Variants in ESRRG observed in about 807,000 individuals in gnomAD.
ESRRG encodes the protein estrogen related receptor gamma.
ESRRG carries 13 observed loss-of-function variants against 44.0 expected under a neutral mutation model. That is an observed-to-expected ratio of 0.30 (90% CI 0.19 to 0.47). ESRRG has a LOEUF of 0.47. Among genes scored for constraint, ESRRG ranks in the 20% least tolerant of loss-of-function variants. The pLI, the probability that ESRRG is intolerant of heterozygous loss-of-function variation, is 1.00. For synonymous variants in ESRRG, 215 were observed against 214.6 expected (o/e 1.00, Z -0.02); for missense variants, 395 against 580.6 (o/e 0.68, Z 3.29).
At chr1:216,992,881 T>TTTG (rs1579190918) in intron 1 of ESRRG, among the ~76,000 whole-genome samples, 2 of 152,310 alleles carry the variant, frequency 1.3e-5, no homozygotes, top group East Asian at 3.9e-4. Context: ...CCGTCTTTGT[T>TTTG]CAGCAAGTCA....
chr1:216,925,621 G>A (rs1422663245), intron 2 of ESRRG, among the ~76,000 whole-genome samples: 1 of 151,906 alleles, frequency 6.6e-6, no homozygotes, highest in African/African-American at 2.4e-5. Context: ...TTTGGGGTGG[G>A]GGCGGAATGC....
chr1:217,080,671 G>GTTTTTTTTTTTTTTTTTTTTTT (rs34598045), intron 1 of ESRRG, among the ~76,000 whole-genome samples: 1 of 65,246 alleles, frequency 1.5e-5, no homozygotes, highest in African/African-American at 6.2e-5. Flanking sequence ...TGTTTTTTTG[G>GTTTTTTTTTTTTTTTTTTTTTT]TTTTTTTTTT....
At chr1:216,868,818 T>A (rs1463090489) in intron 2 of ESRRG, among the ~76,000 whole-genome samples, 1 of 152,224 alleles carries the variant, frequency 6.6e-6, no homozygotes, top group African/African-American at 2.4e-5. Flanking sequence ...TCATAACTAA[T>A]GGCATTGAAC....
intron 2 of ESRRG, among the ~76,000 whole-genome samples, chr1:216,780,576 T>C (rs189701009): frequency 4.6e-5 from 7 of 152,172 alleles, no homozygotes; most frequent in Admixed American, 3.3e-4. Context: ...TTACTATCAA[T>C]ATCTTCATGT....
chr1:216,890,266 AAAAAAT>A (rs76282591), intron 2 of ESRRG, among the ~76,000 whole-genome samples: 1,557 of 152,274 alleles, frequency 0.01, 11 homozygotes, highest in Non-Finnish European at 0.016. Context: ...CCCTGTCTCA[AAAAAAT>A]AAAAATAAAA....
At chr1:217,002,671 T>A (rs1465259867) in intron 1 of ESRRG, among the ~76,000 whole-genome samples, 4 of 152,138 alleles carry the variant, frequency 2.6e-5, no homozygotes, top group African/African-American at 4.8e-5. Context: ...AAAGGCATTA[T>A]AGCTTTTACC....
At chr1:217,062,420 A>C (rs1171290298) in intron 1 of ESRRG, among the ~76,000 whole-genome samples, 1 of 152,162 alleles carries the variant, frequency 6.6e-6, no homozygotes. Flanking sequence ...GTCAAAGAAC[A>C]GGGCACTGTA....
chr1:216,604,638 C>T (rs1156669243), intron 3 of ESRRG, among the ~76,000 whole-genome samples: 2 of 152,128 alleles, frequency 1.3e-5, no homozygotes, highest in African/African-American at 2.4e-5. Context: ...AACCTCATCT[C>T]TAAAAAACAG....
intron 3 of ESRRG, among the ~76,000 whole-genome samples, chr1:216,646,810 G>T (rs1264437551): frequency 2.6e-5 from 4 of 152,114 alleles, no homozygotes; most frequent in South Asian, 2.1e-4. Context: ...AACAAAACTG[G>T]TCCTCTAAGT....
chr1:216,566,355 G>A (rs1431784172), intron 4 of ESRRG, among the ~76,000 whole-genome samples: 1 of 152,120 alleles, frequency 6.6e-6, no homozygotes, highest in Non-Finnish European at 1.5e-5. Context: ...TAACACAGAG[G>A]CCTTTAGATA....
intron 2 of ESRRG, among the ~76,000 whole-genome samples, chr1:216,888,551 T>C (rs543220954): frequency 9.2e-5 from 14 of 152,284 alleles, no homozygotes; most frequent in African/African-American, 3.1e-4. Context: ...CAAGATAAAT[T>C]TACTATAGTT....
At chr1:217,001,107 T>C (rs1216477887) in intron 1 of ESRRG, among the ~76,000 whole-genome samples, 1 of 152,240 alleles carries the variant, frequency 6.6e-6, no homozygotes, top group Non-Finnish European at 1.5e-5. Flanking sequence ...GTGAAAAAAT[T>C]TGTCTAATGT....
At chr1:217,077,215 T>C (rs1024052091) in intron 1 of ESRRG, among the ~76,000 whole-genome samples, 1 of 152,220 alleles carries the variant, frequency 6.6e-6, no homozygotes. Context: ...AGCTCTGCTG[T>C]GGGTTTCAGG....
intron 2 of ESRRG, among the ~76,000 whole-genome samples, chr1:216,810,545 G>C (rs1470076036): frequency 6.7e-6 from 1 of 148,436 alleles, no homozygotes; most frequent in Non-Finnish European, 1.5e-5. Flanking sequence ...TGGTGGTCAA[G>C]TAATAGAAGG....
chr1:216,614,181 C>T (rs1194241450), intron 3 of ESRRG, among the ~76,000 whole-genome samples: 2 of 152,214 alleles, frequency 1.3e-5, no homozygotes. Flanking sequence ...CACTCTCGGC[C>T]TCAGAGCGAT....
chr1:216,893,249 A>G (rs2149419030), intron 2 of ESRRG, among the ~76,000 whole-genome samples: 1 of 152,286 alleles, frequency 6.6e-6, no homozygotes. Flanking sequence ...AATATCACAG[A>G]CAATGGAAAT....
chr1:216,720,245 A>G (rs2085924890), intron 1 of ESRRG, among the ~76,000 whole-genome samples: 1 of 152,086 alleles, frequency 6.6e-6, no homozygotes, highest in African/African-American at 2.4e-5. Flanking sequence ...GCAAGGTTAC[A>G]AAACTACAGC....
chr1:217,062,972 A>T (rs1471726956), intron 1 of ESRRG, among the ~76,000 whole-genome samples: 1 of 152,184 alleles, frequency 6.6e-6, no homozygotes, highest in Non-Finnish European at 1.5e-5. Context: ...AAGGAACTCT[A>T]GTATGTACCT....
chr1:217,007,932 C>T (rs1457411787), intron 1 of ESRRG, among the ~76,000 whole-genome samples: 1 of 152,096 alleles, frequency 6.6e-6, no homozygotes, highest in Non-Finnish European at 1.5e-5. Flanking sequence ...AAGAGAAGAG[C>T]CATAATACAA....
Sources: gnomAD v4.1 joint callset for allele counts (sites outside exome capture counted in the v4.1 genomes callset) on GRCh38, gnomAD v4.1.1 for gene constraint, MANE v1.5 for transcripts, NCBI Gene and HGNC (gene_info 2026-07-23, HGNC 2026-07-21) for gene names.